RBM19: variants seen among roughly 807,000 people sequenced by gnomAD.
RBM19 encodes the protein RNA binding motif protein 19, also known as probable RNA-binding protein 19.
In RBM19, 94 loss-of-function variants were observed where a neutral mutation model predicts 116.8. The ratio of observed to expected loss-of-function variants is 0.80; its 90% CI spans 0.68 to 0.95. The LOEUF (loss-of-function observed/expected upper bound fraction) is 0.95, where lower values mean the gene tolerates loss of function less well. Ranked by LOEUF, RBM19 falls within the 40% of genes least tolerant of loss-of-function variation. RBM19 has a pLI of 0.00. For synonymous variants in RBM19, 475 were observed against 494.1 expected (o/e 0.96, Z 0.51); for missense variants, 1,161 against 1,220.7 (o/e 0.95, Z 0.73).
Position 113,957,920 on chromosome 12 carries a change from C to T in RBM19, c.702G>A (p.Val234=), listed in dbSNP as rs186421970. 1.2e-6 allele frequency: 2 copies of T among 1,614,178 alleles called. No homozygotes were observed. Among genetic ancestry groups the T allele is most frequent in the Admixed American group, 1.7e-5 (1 of 60,020 alleles). The change falls in exon 6 of 24, where the codon GTG becomes GTA. Residue 234 remains valine, a synonymous_variant. Coordinates refer to ENST00000261741, the MANE Select transcript of RBM19 (RefSeq NM_016196.4). ...SEEEESEDEA[V]HCDEGSEAEE... ...CGGCCTCACTCCCTTCATCACAGTG[C>T]ACGGCTTCATCTTCACTTTCCTCTT...
chr12:113,854,687 G>A (rs1439018361), intron 22 of RBM19, among the ~76,000 whole-genome samples: 1 of 152,190 alleles, frequency 6.6e-6, no homozygotes, highest in Non-Finnish European at 1.5e-5. Flanking sequence ...GGTCACCAGG[G>A]CCCGTGATGA....
At chr12:113,954,142 T>C (rs1871705277) in intron 7 of RBM19, among the ~76,000 whole-genome samples, 1 of 152,114 alleles carries the variant, frequency 6.6e-6, no homozygotes, top group Non-Finnish European at 1.5e-5. Context: ...TAACATACCA[T>C]GATGAGGAGG....
chr12:113,921,071 G>C (rs1274352549), intron 18 of RBM19, among the ~76,000 whole-genome samples: 1 of 152,176 alleles, frequency 6.6e-6, no homozygotes, highest in South Asian at 2.1e-4. Flanking sequence ...AAATGAATAT[G>C]TGCGTGAGAG....
chr12:113,889,090 T>C (rs1880754259), intron 21 of RBM19, among the ~76,000 whole-genome samples: 1 of 152,158 alleles, frequency 6.6e-6, no homozygotes, highest in Non-Finnish European at 1.5e-5. Context: ...GCTCCTCTGC[T>C]GTTTCCTCCA....
At chr12:113,961,807 C>T (rs556589369) in intron 2 of RBM19, among the ~76,000 whole-genome samples, 1 of 152,344 alleles carries the variant, frequency 6.6e-6, no homozygotes, top group Non-Finnish European at 1.5e-5. Context: ...CTGTCAGCCC[C>T]CTGCCTGCCC....
intron 16 of RBM19, among the ~76,000 whole-genome samples, chr12:113,927,593 A>AC (rs1555242306): frequency 2.2e-5 from 2 of 92,480 alleles, no homozygotes; most frequent in African/African-American, 8.7e-5. Flanking sequence ...TCAAAAAACA[A>AC]AAAAAAAAAA....
At chr12:113,942,505 A>C in intron 13 of RBM19, 71 bp from the exon 14 acceptor site, 2 of 1,285,584 alleles carry the variant, frequency 1.6e-6, no homozygotes, top group Non-Finnish European at 2.2e-6. Context: ...CCATCTCCCA[A>C]CAGCCTGAAG....
intron 23 of RBM19, among the ~76,000 whole-genome samples, chr12:113,841,061 C>T (rs1876429163): frequency 6.6e-6 from 1 of 152,186 alleles, no homozygotes; most frequent in Non-Finnish European, 1.5e-5. Context: ...ATGTCCCCTT[C>T]CAGAACCTGG....
chr12:113,851,616 G>C (rs1348592970), intron 22 of RBM19, among the ~76,000 whole-genome samples: 1 of 152,148 alleles, frequency 6.6e-6, no homozygotes, highest in Non-Finnish European at 1.5e-5. Flanking sequence ...GGGTGCTTCA[G>C]CCTCTCAGAG....
intron 21 of RBM19, among the ~76,000 whole-genome samples, chr12:113,876,555 C>T (rs1404470883): frequency 6.6e-6 from 1 of 152,084 alleles, no homozygotes; most frequent in Non-Finnish European, 1.5e-5. Context: ...CTTTGGGAGG[C>T]TGAGGTGGGA....
At chr12:113,964,218 T>C (rs1172991189) in intron 1 of RBM19, among the ~76,000 whole-genome samples, 1 of 152,260 alleles carries the variant, frequency 6.6e-6, no homozygotes, top group Non-Finnish European at 1.5e-5. Flanking sequence ...CCCTGCTCTA[T>C]AAATTACACC....
intron 22 of RBM19, among the ~76,000 whole-genome samples, chr12:113,855,667 T>C (rs1285159927): frequency 6.6e-6 from 1 of 152,108 alleles, no homozygotes; most frequent in Non-Finnish European, 1.5e-5. Context: ...GCTGGGATCA[T>C]GGAGGATCCT....
At chr12:113,854,970 G>A (rs922591324) in intron 22 of RBM19, among the ~76,000 whole-genome samples, 5 of 152,240 alleles carry the variant, frequency 3.3e-5, no homozygotes, top group African/African-American at 4.8e-5. Context: ...CAGTTGCCTG[G>A]TTACTCTGAG....
chr12:113,950,310 G>C (rs58859502), intron 8 of RBM19, among the ~76,000 whole-genome samples, 156 bp from the exon 9 acceptor site: 24,916 of 152,038 alleles, frequency 0.16, 2,773 homozygotes, highest in African/African-American at 0.32. Context: ...CCCTCTCTCT[G>C]TCTCCCACCC....
At chr12:113,920,800 T>G in intron 18 of RBM19, 110 bp from the exon 19 acceptor site, 1 of 947,418 alleles carries the variant, frequency 1.1e-6, no homozygotes, top group Non-Finnish European at 1.7e-6. Flanking sequence ...CTTCTTTTCA[T>G]ACCCCCTTCA....
intron 14 of RBM19, among the ~76,000 whole-genome samples, chr12:113,941,409 T>C (rs369125966): frequency 6.6e-6 from 1 of 152,208 alleles, no homozygotes; most frequent in African/African-American, 2.4e-5. Flanking sequence ...GTTCCTTCTG[T>C]AGGGTGGAAG....
chr12:113,925,233 G>A (rs932479581), intron 17 of RBM19, among the ~76,000 whole-genome samples: 27 of 152,208 alleles, frequency 1.8e-4, no homozygotes, highest in South Asian at 6.2e-4. Context: ...TCCCGGCTAC[G>A]TCTTCAGCAC....
At chr12:113,846,746 G>C (rs560019509) in intron 22 of RBM19, among the ~76,000 whole-genome samples, 1 of 152,108 alleles carries the variant, frequency 6.6e-6, no homozygotes, top group African/African-American at 2.4e-5. Flanking sequence ...GCAAGGTCTC[G>C]CTGTCACCCA....
chr12:113,875,175 C>A (rs891902089), intron 21 of RBM19, among the ~76,000 whole-genome samples: 1 of 152,206 alleles, frequency 6.6e-6, no homozygotes, highest in African/African-American at 2.4e-5. Flanking sequence ...TGATTCATGC[C>A]GCAGAGCCTG....
Sources: gnomAD v4.1 joint callset for allele counts (sites outside exome capture counted in the v4.1 genomes callset) on GRCh38, gnomAD v4.1.1 for gene constraint, MANE v1.5 for transcripts, NCBI Gene and HGNC (gene_info 2026-07-23, HGNC 2026-07-21) for gene names.